Variants in DEPDC4 observed in about 807,000 individuals in gnomAD.
The protein encoded by DEPDC4 is DEP domain containing 4, also known as DEP domain-containing protein 4.
Under a neutral mutation model 52.0 loss-of-function variants are expected in DEPDC4, and 52 were observed. The ratio of observed to expected loss-of-function variants is 1.00; its 90% CI spans 0.80 to 1.26. The LOEUF is 1.26. Ranked by LOEUF, DEPDC4 falls within the 50% of genes most tolerant of loss-of-function variation. The probability of loss-of-function intolerance (pLI) is 0.00; values close to 1 mark genes in which losing one functional copy is unlikely to be tolerated. For missense variants in DEPDC4, 530 were observed against 546.9 expected (o/e 0.97, Z 0.31); for synonymous variants, 201 against 196.8 (o/e 1.02, Z -0.18).
At chr12:100,248,242 G>T (rs907634888) in intron 8 of DEPDC4, among the ~76,000 whole-genome samples, 6 of 151,896 alleles carry the variant, frequency 4.0e-5, no homozygotes, top group Admixed American at 2.6e-4. Context: ...ACTGCACAAA[G>T]AAATAGATAT....
At chr12:100,239,124 TG>T (rs2096148885), downstream of DEPDC4, among the ~76,000 whole-genome samples, 1 of 152,204 alleles carries the variant, frequency 6.6e-6, no homozygotes, top group South Asian at 2.1e-4. Context: ...TTGCTGAGGC[TG>T]GAGTGCAGCG....
intron 1 of DEPDC4, among the ~76,000 whole-genome samples, chr12:100,266,321 A>C (rs828929): frequency 6.6e-6 from 1 of 151,926 alleles, no homozygotes; most frequent in Non-Finnish European, 1.5e-5. Flanking sequence ...CTAATCACTC[A>C]AGAAATCTTA....
At chr12:100,257,184 T>A (rs1020394367) in intron 3 of DEPDC4, among the ~76,000 whole-genome samples, 3 of 150,588 alleles carry the variant, frequency 2.0e-5, no homozygotes, top group African/African-American at 7.4e-5. Flanking sequence ...CTGAAGTGAT[T>A]CTCCTGCCTT....
chr12:100,281,877 A>G, the DEPDC4 span, among the ~76,000 whole-genome samples: 1 of 152,048 alleles, frequency 6.6e-6, no homozygotes, highest in African/African-American at 2.4e-5. Context: ...TGCTTAGTAA[A>G]GTGTAAAGTG....
At chr12:100,260,066 T>G (rs536856514) in intron 3 of DEPDC4, among the ~76,000 whole-genome samples, 1 of 152,080 alleles carries the variant, frequency 6.6e-6, no homozygotes, top group Non-Finnish European at 1.5e-5. Flanking sequence ...CATAACAAAT[T>G]GCTTAGCACA....
At chr12:100,274,247 G>A in the DEPDC4 span, among the ~76,000 whole-genome samples, 1 of 152,170 alleles carries the variant, frequency 6.6e-6, no homozygotes, top group South Asian at 2.1e-4. Flanking sequence ...TTTTGCTTGT[G>A]TATCCAATAA....
chr12:100,273,853 A>C, the DEPDC4 span, among the ~76,000 whole-genome samples: 3,763 of 152,312 alleles, frequency 0.025, 151 homozygotes, highest in African/African-American at 0.085. Context: ...CGGAGTCCCT[A>C]AAAAGAAGAA....
At position 100,241,052 on chromosome 12, in the gene DEPDC4, A is replaced by AAAAAC. The variant is rs1047730828; in HGVS notation, c.*835_*839dup. 1.1e-3 allele frequency among the ~76,000 whole-genome samples: 163 copies of AAAAAC among 152,270 alleles called. No homozygotes were observed. Among genetic ancestry groups the AAAAAC allele is most frequent in the South Asian group, 3.7e-3 (18 of 4,832 alleles). On this transcript the variant is annotated 3_prime_UTR_variant, in exon 10 of 10. Transcript: ENST00000550587. ...CTGGGACAGAGCAAGACTCCATTTC[A>AAAAAC]AAAACAAAACAAAACAAAACAAAAC...
chr12:100,233,015 C>A (rs1157335687), intron 9 of DEPDC4, among the ~76,000 whole-genome samples: 1 of 152,142 alleles, frequency 6.6e-6, no homozygotes, highest in African/African-American at 2.4e-5. Context: ...ATCCTAACTG[C>A]AACAATTGTA....
In DEPDC4 at chr12:100,256,235, G is replaced by T; in HGVS notation, c.701-9C>A. On this transcript the variant is annotated splice_polypyrimidine_tract_variant and intron_variant, in intron 3 of 9. Transcript: ENST00000550587. ...TTGTTCTTTCCAAACATCTTGAAAA[G>T]GAAAGTAATGCAATGATCAAGATTG... is the stretch of plus-strand genomic sequence containing the variant. 6.3e-7 allele frequency: 1 copy of T among 1,588,592 alleles called. No individual in the cohort carries two copies. The highest frequency in any genetic ancestry group is 1.1e-5 in the South Asian group (1 of 88,850).
chr12:100,267,555 GCGGCCGGCCGGGCGATCGGCGGT>G (rs974690377), upstream of DEPDC4: 10 of 152,628 alleles, frequency 6.6e-5, no homozygotes, highest in African/African-American at 2.4e-4. Context: ...GGGCCTGCCG[GCGGCCGGCCGGGCGATCGGCGGT>G]CGGCGCCCGC....
chr12:100,276,141 C>T, the DEPDC4 span, among the ~76,000 whole-genome samples: 35 of 152,258 alleles, frequency 2.3e-4, 1 homozygote, highest in South Asian at 2.7e-3. Flanking sequence ...CAAGGTAATG[C>T]TGACTACATA....
At chr12:100,261,213 GTTC>G (rs2096252631) in intron 3 of DEPDC4, among the ~76,000 whole-genome samples, 2 of 150,120 alleles carry the variant, frequency 1.3e-5, no homozygotes, top group South Asian at 2.1e-4. Flanking sequence ...TTCTCTTTTA[GTTC>G]TTCTTCTCAA....
At chr12:100,281,099 G>C in the DEPDC4 span, among the ~76,000 whole-genome samples, 1 of 127,318 alleles carries the variant, frequency 7.9e-6, no homozygotes, top group African/African-American at 3.0e-5. Context: ...TGCTTTCTCA[G>C]CTCACTGCAG....
At chr12:100,248,088 C>T (rs2096193398) in intron 8 of DEPDC4, among the ~76,000 whole-genome samples, 2 of 152,112 alleles carry the variant, frequency 1.3e-5, no homozygotes, top group Admixed American at 6.6e-5. Flanking sequence ...TAATCTTCGA[C>T]ACAGTTTCTG....
chr12:100,250,648 G>T (rs778253845), intron 7 of DEPDC4, among the ~76,000 whole-genome samples: 1 of 152,142 alleles, frequency 6.6e-6, no homozygotes, highest in Admixed American at 6.5e-5. Flanking sequence ...TGTAGAGGAG[G>T]GGGTAGAGTG....
rs894349464 is a variant in DEPDC4 at position 100,253,600 on chromosome 12, T to G, written c.994A>C (p.Ser332Arg). 2 of 1,289,142 alleles carry G rather than the reference T, an allele frequency of 1.6e-6. No individual in the cohort carries two copies. Among genetic ancestry groups the G allele is most frequent in the Middle Eastern group, 4.5e-4 (2 of 4,464 alleles). 79.9% of individuals were successfully genotyped at this position (1,289,142 alleles called of 1,614,324 possible). A position where few individuals can be genotyped will look rare whatever the true frequency, so the allele number is the denominator to read the frequency against. Residue 332 changes from serine to arginine, a missense_variant, in exon 5 of 10, where the codon AGT (serine) becomes CGT (arginine). By Grantham distance (110) the Ser-to-Arg change is moderately radical (BLOSUM62 -1). Transcript: ENST00000550587. The stretch of plus-strand genomic sequence containing the variant: ...ACATCAAAGAGTATCTTCTTCTGAC[T>G]GTTCAATCTTGTCTCTTCATTTCTG... ...QNRNEETRLN[S>R]QKKILFDVIA...
intron 3 of DEPDC4, among the ~76,000 whole-genome samples, chr12:100,256,863 G>C (rs369398149): frequency 1.3e-5 from 2 of 151,902 alleles, no homozygotes; most frequent in South Asian, 2.1e-4. Flanking sequence ...GGATGGTCTC[G>C]ATCTCCTGAC....
At chr12:100,261,895 T>C (rs2096254851) in intron 3 of DEPDC4, 3 of 425,234 alleles carry the variant, frequency 7.1e-6, no homozygotes, top group Admixed American at 5.3e-5. Flanking sequence ...GAGGAATGAG[T>C]AGGTAAAGCA....
Sources: gnomAD v4.1 joint callset for allele counts (sites outside exome capture counted in the v4.1 genomes callset) on GRCh38, gnomAD v4.1.1 for gene constraint, MANE v1.5 for transcripts, NCBI Gene and HGNC (gene_info 2026-07-23, HGNC 2026-07-21) for gene names.